The following ZNF536 variants were observed in gnomAD, a reference collection of about 807,000 sequenced individuals.
ZNF536 encodes zinc finger protein 536.
In ZNF536, 13 loss-of-function variants were observed where a neutral mutation model predicts 84.5. The observed-to-expected ratio is 0.15, with a 90% CI of 0.10 to 0.24. The LOEUF is 0.24. Ranked by LOEUF, ZNF536 falls within the 10% of genes least tolerant of loss-of-function variation. The pLI is 1.00. For synonymous variants in ZNF536, 811 were observed against 742.5 expected, an observed-to-expected ratio of 1.09 and a Z score of -1.50; for missense variants, 1,536 against 1,747.5, an observed-to-expected ratio of 0.88 and a Z score of 2.16.
intron 2 of ZNF536, among the ~76,000 whole-genome samples, chr19:30,308,351 A>T (rs571254055): frequency 1.7e-3 from 251 of 149,854 alleles, no homozygotes; most frequent in Non-Finnish European, 2.4e-3. Context: ...TCTTGTGAAC[A>T]TTTTTTTTTT....
chr19:30,613,002 CAGTT>C (rs1358086418), intron 1 of ZNF536, among the ~76,000 whole-genome samples: 1 of 152,156 alleles, frequency 6.6e-6, no homozygotes, highest in African/African-American at 2.4e-5. Context: ...GAGTAACAGT[CAGTT>C]ACTTTGGAGA....
intron 1 of ZNF536, among the ~76,000 whole-genome samples, chr19:30,590,104 C>T (rs557201865): frequency 6.6e-6 from 1 of 152,346 alleles, no homozygotes; most frequent in East Asian, 1.9e-4. Context: ...GCCTCCTTCT[C>T]TCCAGCAGGC....
rs150488546 is a variant in ZNF536 at position 30,324,751 on chromosome 19, C to A, written c.-119-27617C>A. Among the ~76,000 whole-genome samples the A allele has an allele frequency of 3.1e-3, 469 of 152,250 alleles. 2 individuals carry two copies. The highest frequency in any genetic ancestry group is 0.011 in the African/African-American group (454 of 41,542). ...GATCACCAACAATGATACAAGGTGG[C>A]CATTTTTAATTTACTTCACTATGCC... On this transcript the variant is annotated intron_variant, in intron 2 of 5. Transcript: ENST00000585628.
intron 2 of ZNF536, among the ~76,000 whole-genome samples, chr19:30,509,776 G>A (rs1271188668): frequency 6.6e-6 from 1 of 152,130 alleles, no homozygotes; most frequent in Non-Finnish European, 1.5e-5. Context: ...TTGACTTCTA[G>A]ACTTGTTCAC....
chr19:30,362,031 CTACTG>C (rs58100094), intron 3 of ZNF536, among the ~76,000 whole-genome samples: 108,786 of 151,406 alleles, frequency 0.72, 39,511 homozygotes, highest in Admixed American at 0.8. Flanking sequence ...GCTGCTGGTC[CTACTG>C]TACTGCGGGT....
At chr19:30,504,390 CT>C (rs2055074668) in intron 2 of ZNF536, among the ~76,000 whole-genome samples, 1 of 146,776 alleles carries the variant, frequency 6.8e-6, no homozygotes, top group Non-Finnish European at 1.5e-5. Context: ...TCCTCTCCTC[CT>C]TCCTCTCTCC....
At chr19:30,602,796 T>C (rs2047736203) in intron 1 of ZNF536, among the ~76,000 whole-genome samples, 1 of 152,186 alleles carries the variant, frequency 6.6e-6, no homozygotes, top group Non-Finnish European at 1.5e-5. Context: ...GTTTTCTGCA[T>C]GGAATCTGGC....
rs2148226961 is a variant in ZNF536, at chr19:30,445,492, C to T, written c.1930C>T (p.His644Tyr). The T allele has an allele frequency of 6.2e-7, 1 of 1,614,150 alleles. No homozygotes were observed. Among genetic ancestry groups the T allele is most frequent in the Non-Finnish European group, 8.5e-7 (1 of 1,180,034 alleles). The change falls in exon 2 of 5, where the codon CAC becomes TAC. Residue 644 changes from histidine to tyrosine, a missense_variant. Coordinates refer to ENST00000355537, the MANE Select transcript of ZNF536 (RefSeq NM_014717.3). The surrounding 1 kb of genome is among the most constrained non-coding windows in gnomAD (Gnocchi z 4.5). ...CTGCGGCCGGGTGTTCCGCACTTAC[C>T]ACCAGGTGGTCGTGCACTCCCGTGT... Reference protein sequence around the residue: ...PDCGRVFRTYHQVVVHSRVHK... With the variant: ...PDCGRVFRTYYQVVVHSRVHK...
intron 1 of ZNF536, among the ~76,000 whole-genome samples, chr19:30,648,794 A>G (rs1412078799): frequency 1.3e-5 from 2 of 152,262 alleles, no homozygotes; most frequent in Non-Finnish European, 2.9e-5. Flanking sequence ...GTCAAATAGC[A>G]TGTTACTTTG....
chr19:30,510,770 G>C (rs2055377962), intron 2 of ZNF536, among the ~76,000 whole-genome samples: 1 of 152,204 alleles, frequency 6.6e-6, no homozygotes, highest in Admixed American at 6.5e-5. Context: ...TCCCACTGTA[G>C]TTATCCTCAT....
chr19:30,584,405 G>A (rs2047026586), intron 1 of ZNF536, among the ~76,000 whole-genome samples: 1 of 152,248 alleles, frequency 6.6e-6, no homozygotes, highest in African/African-American at 2.4e-5. Context: ...TTTAGTCTGG[G>A]TGTAGTGGAA....
chr19:30,578,645 C>T (rs903136849), intron 1 of ZNF536, among the ~76,000 whole-genome samples: 1 of 152,240 alleles, frequency 6.6e-6, no homozygotes, highest in African/African-American at 2.4e-5. Flanking sequence ...TTGCAGAATA[C>T]TCACGTGCAT....
chr19:30,356,792 C>T (rs2048110030), intron 3 of ZNF536, among the ~76,000 whole-genome samples: 1 of 152,154 alleles, frequency 6.6e-6, no homozygotes. Context: ...CTCCCAAATC[C>T]CCTAGCAGGT....
chr19:30,273,859 A>C lies in ZNF536; in HGVS notation c.-189-10213A>C, dbSNP rs992171816. On this transcript the variant is annotated intron_variant, in intron 1 of 5. Transcript: ENST00000585628. ...ATGATGTATGTTCTTAACTATGTTC[A>C]TGAATACATATACATGTACACATGT... 2.6e-5 allele frequency among the ~76,000 whole-genome samples: 4 copies of C among 152,256 alleles called. No homozygotes were observed. In the South Asian group the frequency reaches 8.3e-4, roughly 32 times the overall value.
chr19:30,394,174 T>A (rs556743345), intron 1 of ZNF536, among the ~76,000 whole-genome samples: 3 of 152,228 alleles, frequency 2.0e-5, no homozygotes, highest in Non-Finnish European at 4.4e-5. Context: ...CCTTGGATGG[T>A]TCCTTAATTG....
At chr19:30,344,818 G>C (rs553684703) in intron 2 of ZNF536, among the ~76,000 whole-genome samples, 1 of 152,194 alleles carries the variant, frequency 6.6e-6, no homozygotes, top group Non-Finnish European at 1.5e-5. Context: ...GACTCCCAAG[G>C]TCAGACAGCG....
rs2146217498 is a variant in ZNF536 at position 30,548,781 on chromosome 19, G to T, written c.3162G>T (p.Leu1054=). Residue 1054 remains leucine (L), a synonymous_variant, in exon 4 of 5, where the codon CTG becomes CTT. Coordinates refer to ENST00000355537, the MANE Select transcript of ZNF536 (RefSeq NM_014717.3). ...QAREASKMAL[L]PSLQSNKDLG... is the part of the protein sequence containing the mutation. Reference sequence around the variant, plus strand: ...GGGAGGCGAGTAAGATGGCCCTGCTGCCCTCGTTACAATCAAACAAAGACC... The same window carrying T: ...GGGAGGCGAGTAAGATGGCCCTGCTTCCCTCGTTACAATCAAACAAAGACC... 1 of 1,613,836 alleles carries T rather than the reference G, an allele frequency of 6.2e-7. No homozygotes were observed. The highest frequency in any genetic ancestry group is 8.5e-7 in the Non-Finnish European group (1 of 1,180,002).
In ZNF536 at chr19:30,444,958, C is replaced by T. The variant is rs2148205743; in HGVS notation, c.1396C>T (p.Leu466=). ...GCTGCCCATGAAGGAGAAGGAAGCG[C>T]TGGGGAAGCTGCTGTCTCCCATCTC... ...GELPMKEKEA[L]GKLLSPISSM... The change falls in exon 2 of 5, where the codon CTG becomes TTG. Residue 466 remains leucine (L), a synonymous_variant. Transcript: ENST00000355537. 2 of 1,611,712 alleles carry T rather than the reference C, an allele frequency of 1.2e-6. No homozygotes were observed. The highest frequency in any genetic ancestry group is 1.7e-6 in the Non-Finnish European group (2 of 1,179,050).
chr19:30,233,003 TA>T (rs1675105402), intron 1 of ZNF536, among the ~76,000 whole-genome samples: 1 of 152,212 alleles, frequency 6.6e-6, no homozygotes, highest in African/African-American at 2.4e-5. Flanking sequence ...GCTGTGGTCC[TA>T]CCTTTGGGGA....
Sources: gnomAD v4.1 joint callset for allele counts (sites outside exome capture counted in the v4.1 genomes callset) on GRCh38, gnomAD v4.1.1 for gene constraint, Gnocchi (gnomAD v3.1) non-coding constraint, MANE v1.5 for transcripts, NCBI Gene and HGNC (gene_info 2026-07-23, HGNC 2026-07-21) for gene names.